REL: variants seen among roughly 807,000 people sequenced by gnomAD.
REL encodes the protein REL proto-oncogene, NF-kB subunit, also known as proto-oncogene c-Rel.
REL carries 15 observed loss-of-function variants against 45.9 expected under a neutral mutation model. The ratio of observed to expected loss-of-function variants is 0.33; its 90% CI spans 0.22 to 0.50. REL has a LOEUF of 0.50. Ranked by LOEUF, REL falls within the 20% of genes least tolerant of loss-of-function variation. The probability of loss-of-function intolerance (pLI) is 0.98; values close to 1 mark genes in which losing one functional copy is unlikely to be tolerated. For missense variants in REL, 601 were observed against 715.2 expected (o/e 0.84, Z 1.82); for synonymous variants, 239 against 242.1 (o/e 0.99, Z 0.12).
At chr2:60,920,202 G>T in intron 8 of REL, 93 bp downstream of exon 8, 3 of 1,091,400 alleles carry the variant, frequency 2.7e-6, no homozygotes, top group Non-Finnish European at 4.0e-6. Flanking sequence ...GTTTTGTTTT[G>T]TTGTTTGTTT....
At chr2:60,891,126 G>C (rs778325560) in intron 1 of REL, among the ~76,000 whole-genome samples, 3 of 152,136 alleles carry the variant, frequency 2.0e-5, no homozygotes, top group Non-Finnish European at 2.9e-5. Context: ...GATATACTGT[G>C]TGTAAGTCCT....
intron 3 of REL, chr2:60,899,844 A>G (rs1410503650): frequency 6.6e-6 from 1 of 152,394 alleles, no homozygotes; most frequent in Non-Finnish European, 1.5e-5. Flanking sequence ...GAAGTTTTTC[A>G]TAAATGACAT....
Position 60,894,444 on chromosome 2 carries a change from A to G in REL, c.201A>G (p.Thr67=). The G allele has an allele frequency of 6.3e-7, 1 of 1,594,164 alleles. No homozygotes were observed. The highest frequency in any genetic ancestry group is 1.7e-5 in the Admixed American group (1 of 57,660). ...GKGKVRITLV[T]KNDPYKPHPH... ...GAAAAGTGAGAATTACATTAGTAACAAAGAATGACCCATATAAACCTCATC... is the reference window on the plus strand; with the variant it reads ...GAAAAGTGAGAATTACATTAGTAACGAAGAATGACCCATATAAACCTCATC... Residue 67 remains threonine, a synonymous_variant, in exon 3 of 10, where the codon ACA becomes ACG. Coordinates refer to ENST00000394479, the MANE Select transcript of REL (RefSeq NM_001291746.2).
intron 7 of REL, among the ~76,000 whole-genome samples, chr2:60,919,233 G>T (rs556114009): frequency 3.5e-4 from 53 of 152,088 alleles, no homozygotes; most frequent in Non-Finnish European, 6.5e-4. Flanking sequence ...ATTTTAAACA[G>T]CTTGTTTTGG....
chr2:60,892,966 G>T (rs1279546042), intron 2 of REL, among the ~76,000 whole-genome samples: 1 of 152,110 alleles, frequency 6.6e-6, no homozygotes, highest in Non-Finnish European at 1.5e-5. Context: ...TGTTAGCCAG[G>T]ATGGTCTCAA....
At chr2:60,905,500 C>T (rs1461702667) in intron 4 of REL, among the ~76,000 whole-genome samples, 2 of 152,108 alleles carry the variant, frequency 1.3e-5, no homozygotes, top group Admixed American at 1.3e-4. Context: ...GGCCACACTT[C>T]CACTAATTTG....
chr2:60,918,844 G>T (rs899595872), intron 7 of REL, among the ~76,000 whole-genome samples: 1 of 152,152 alleles, frequency 6.6e-6, no homozygotes, highest in South Asian at 2.1e-4. Flanking sequence ...AGGCTAGAGT[G>T]CAGTGGCGCA....
chr2:60,905,835 C>G (rs1673631570), intron 4 of REL, among the ~76,000 whole-genome samples: 1 of 152,192 alleles, frequency 6.6e-6, no homozygotes, highest in Non-Finnish European at 1.5e-5. Context: ...TTTCTTAACT[C>G]TTTCACCATG....
chr2:60,901,873 G>A (rs1673507862), intron 4 of REL, among the ~76,000 whole-genome samples: 2 of 152,128 alleles, frequency 1.3e-5, no homozygotes, highest in Non-Finnish European at 2.9e-5. Flanking sequence ...GATATTTACT[G>A]TTCAGTGAAT....
At chr2:60,919,616 G>A (rs1349676258) in intron 7 of REL, among the ~76,000 whole-genome samples, 1 of 151,918 alleles carries the variant, frequency 6.6e-6, no homozygotes, top group African/African-American at 2.4e-5. Flanking sequence ...GTAGAGATGG[G>A]GTTTCACCAT....
intron 4 of REL, among the ~76,000 whole-genome samples, chr2:60,911,801 C>T (rs1673821847): frequency 6.6e-6 from 1 of 151,694 alleles, no homozygotes; most frequent in African/African-American, 2.4e-5. Flanking sequence ...GAGGTTGAGA[C>T]CATCCTGGCC....
Position 60,926,668 on chromosome 2 carries a change from G to C in REL, c.*4133G>C. The stretch of plus-strand genomic sequence containing the variant: ...CCTGAATGTCCTGATAAACTGGCTC[G>C]CTCTCTTCTTTACCTTCCATAATGG... On this transcript the variant is annotated 3_prime_UTR_variant, in exon 10 of 10. Coordinates refer to ENST00000394479, the MANE Select transcript of REL (RefSeq NM_001291746.2). 1 of 227,766 alleles carries C rather than the reference G, an allele frequency of 4.4e-6. No individual in the cohort carries two copies. The highest frequency in any genetic ancestry group is 6.2e-5 in the East Asian group (1 of 16,156). The allele number at this position is 227,766 out of a possible 1,614,324, so 14.1% of individuals were successfully genotyped here.
chr2:60,917,710 G>A (rs1203737061), intron 5 of REL, among the ~76,000 whole-genome samples: 1 of 149,356 alleles, frequency 6.7e-6, no homozygotes, highest in Non-Finnish European at 1.5e-5. Context: ...GTGTGTGTGT[G>A]TGTGTACGTG....
At chr2:60,914,878 G>A (rs1267331986) in intron 4 of REL, among the ~76,000 whole-genome samples, 1 of 144,468 alleles carries the variant, frequency 6.9e-6, no homozygotes, top group Non-Finnish European at 1.5e-5. Flanking sequence ...CTGTCGCCCA[G>A]GCTGGAGTGC....
intron 4 of REL, among the ~76,000 whole-genome samples, chr2:60,915,185 T>C (rs1339441552): frequency 1.3e-5 from 2 of 152,212 alleles, no homozygotes; most frequent in African/African-American, 4.8e-5. Context: ...TACCACACTT[T>C]GTTTATCCAT....
chr2:60,924,791 A>G lies in REL; in HGVS notation c.*2256A>G, dbSNP rs572820489. On this transcript the variant is annotated 3_prime_UTR_variant, in exon 10 of 10. Transcript: ENST00000394479. ...TCACATATTCATTTGGCTGGTTTCA[A>G]ATGGTGAGCTGAATGCTGGGTAATC... is the stretch of plus-strand genomic sequence containing the variant. 6 of 206,838 alleles carry G rather than the reference A, an allele frequency of 2.9e-5. No homozygotes were observed. Among genetic ancestry groups the G allele is most frequent in the Non-Finnish European group, 5.9e-5 (6 of 101,154 alleles). The allele number at this position is 206,838 out of a possible 1,614,324, so 12.8% of individuals were successfully genotyped here.
intron 1 of REL, among the ~76,000 whole-genome samples, chr2:60,883,133 T>A (rs1278712131): frequency 1.3e-5 from 2 of 152,056 alleles, no homozygotes; most frequent in African/African-American, 4.8e-5. Flanking sequence ...TAAATGCATG[T>A]TAAATGCTGT....
At chr2:60,913,082 ATTC>A (rs1673864802) in intron 4 of REL, among the ~76,000 whole-genome samples, 1 of 152,270 alleles carries the variant, frequency 6.6e-6, no homozygotes, top group African/African-American at 2.4e-5. Context: ...ATTTGATTAT[ATTC>A]TTAATTTCAA....
chr2:60,927,590 T>A lies in REL; in HGVS notation c.*5055T>A, dbSNP rs1438249275. Reference sequence around the variant, plus strand: ...TCAGCACCTAACCCTCACACAACACTCCAGTATTGATGCAGTCAATCTTGT... The same window carrying A: ...TCAGCACCTAACCCTCACACAACACACCAGTATTGATGCAGTCAATCTTGT... On this transcript the variant is annotated 3_prime_UTR_variant, in exon 10 of 10. Transcript: ENST00000394479. 3 of 229,938 alleles carry A rather than the reference T, an allele frequency of 1.3e-5. No homozygotes were observed. The South Asian group carries it at 5.4e-4, about 42-fold the overall frequency. The allele number at this position is 229,938 out of a possible 1,614,324, so 14.2% of individuals were successfully genotyped here.
Sources: gnomAD v4.1 joint callset for allele counts (sites outside exome capture counted in the v4.1 genomes callset) on GRCh38, gnomAD v4.1.1 for gene constraint, MANE v1.5 for transcripts, NCBI Gene and HGNC (gene_info 2026-07-23, HGNC 2026-07-21) for gene names.